Variants in FMN1 observed in about 807,000 individuals in gnomAD.
The protein encoded by FMN1 is formin 1, also known as formin-1.
In FMN1, 110 loss-of-function variants were observed where a neutral mutation model predicts 132.4. The ratio of observed to expected loss-of-function variants is 0.83; its 90% CI spans 0.71 to 0.97. The LOEUF (loss-of-function observed/expected upper bound fraction) is 0.97. Ranked by LOEUF, FMN1 falls within the 50% of genes least tolerant of loss-of-function variation. The pLI is 0.00. For missense variants in FMN1, 1,792 were observed against 1,705.3 expected, an observed-to-expected ratio of 1.05 and a Z score of -0.90; for synonymous variants, 722 against 651.7, an observed-to-expected ratio of 1.11 and a Z score of -1.64.
intron 7 of FMN1, among the ~76,000 whole-genome samples, chr15:32,971,299 T>C (rs1317268365): frequency 6.6e-6 from 1 of 152,212 alleles, no homozygotes; most frequent in Non-Finnish European, 1.5e-5. Flanking sequence ...TTCCTAATTA[T>C]TTTTTAAAAT....
intron 17 of FMN1, among the ~76,000 whole-genome samples, chr15:32,840,798 T>C (rs2058729634): frequency 6.6e-6 from 1 of 152,206 alleles, no homozygotes; most frequent in Non-Finnish European, 1.5e-5. Flanking sequence ...TTGAGTGGAC[T>C]GTAACTGTGG....
chr15:32,826,058 C>T (rs7167969), intron 17 of FMN1, among the ~76,000 whole-genome samples: 5 of 152,282 alleles, frequency 3.3e-5, no homozygotes, highest in South Asian at 2.1e-4. Context: ...TAACAAAACT[C>T]GAATGATGGA....
chr15:32,941,188 T>A (rs2061393675), intron 9 of FMN1, among the ~76,000 whole-genome samples: 1 of 152,206 alleles, frequency 6.6e-6, no homozygotes, highest in Admixed American at 6.5e-5. Flanking sequence ...CTTGATTTTA[T>A]TCCATGTAGG....
chr15:32,776,274 C>T (rs1417182336), intron 20 of FMN1, among the ~76,000 whole-genome samples: 1 of 152,330 alleles, frequency 6.6e-6, no homozygotes, highest in African/African-American at 2.4e-5. Flanking sequence ...GTGATCTCTA[C>T]TGAAAACTGG....
chr15:32,939,262 C>A (rs745954745), intron 9 of FMN1, among the ~76,000 whole-genome samples: 1 of 152,140 alleles, frequency 6.6e-6, no homozygotes. Flanking sequence ...CGAATTTTTA[C>A]GGTAATTCAT....
intron 9 of FMN1, among the ~76,000 whole-genome samples, chr15:32,962,566 T>C (rs2030696515): frequency 6.6e-6 from 1 of 150,668 alleles, no homozygotes; most frequent in Non-Finnish European, 1.5e-5. Flanking sequence ...ACCTACAAAA[T>C]GGGAGAAAAT....
At chr15:33,045,445 A>C (rs868573406) in intron 6 of FMN1, among the ~76,000 whole-genome samples, 14 of 152,282 alleles carry the variant, frequency 9.2e-5, no homozygotes, top group Admixed American at 6.5e-4. Context: ...GAAATATCCC[A>C]AAAATCCTGT....
At chr15:32,996,630 A>G (rs961647621) in intron 7 of FMN1, among the ~76,000 whole-genome samples, 1 of 152,230 alleles carries the variant, frequency 6.6e-6, no homozygotes, top group Non-Finnish European at 1.5e-5. Flanking sequence ...TAAATGCTCA[A>G]TTAAGTACCA....
chr15:32,834,153 G>T (rs896506), intron 17 of FMN1, among the ~76,000 whole-genome samples: 3,033 of 152,244 alleles, frequency 0.02, 35 homozygotes, highest in African/African-American at 0.029. Flanking sequence ...TAAATTCTTG[G>T]ATGGTAAACT....
At chr15:32,924,522 G>A (rs113209434) in intron 10 of FMN1, among the ~76,000 whole-genome samples, 12 of 152,188 alleles carry the variant, frequency 7.9e-5, no homozygotes, top group African/African-American at 2.7e-4. Flanking sequence ...CTAAAGGGCC[G>A]TGTGGTGTCA....
At chr15:32,907,234 AAC>A (rs2060448948) in intron 12 of FMN1, among the ~76,000 whole-genome samples, 1 of 152,154 alleles carries the variant, frequency 6.6e-6, no homozygotes, top group Non-Finnish European at 1.5e-5. Context: ...ATAATTATAC[AAC>A]TCACCATAAT....
intron 9 of FMN1, among the ~76,000 whole-genome samples, chr15:32,926,945 C>G (rs1596290401): frequency 6.6e-6 from 1 of 152,206 alleles, no homozygotes; most frequent in African/African-American, 2.4e-5. Flanking sequence ...CCACCACACC[C>G]AGCTAATTTT....
At chr15:32,927,968 T>G (rs2061004262) in intron 9 of FMN1, among the ~76,000 whole-genome samples, 1 of 152,232 alleles carries the variant, frequency 6.6e-6, no homozygotes, top group African/African-American at 2.4e-5. Context: ...ATTACTGTAA[T>G]AGCTGAGTTG....
intron 9 of FMN1, among the ~76,000 whole-genome samples, chr15:32,931,708 T>C (rs1439548251): frequency 1.3e-5 from 2 of 152,258 alleles, no homozygotes; most frequent in Non-Finnish European, 2.9e-5. Flanking sequence ...TCTTGATTAA[T>C]GTCTCTATGA....
At chr15:32,808,842 A>G (rs1202585855) in intron 17 of FMN1, among the ~76,000 whole-genome samples, 5 of 151,844 alleles carry the variant, frequency 3.3e-5, no homozygotes, top group African/African-American at 9.7e-5. Flanking sequence ...TAGAATGTTC[A>G]TAACTGCTTT....
rs1224364960 is a variant in FMN1, at chr15:32,899,783, G to GT, written c.3654+195dup. 5 of 553,092 alleles carry GT rather than the reference G, an allele frequency of 9.0e-6. No individual in the cohort carries two copies. The African/African-American group carries it at 2.0e-4, about 22-fold the overall frequency. 34.3% of individuals were successfully genotyped at this position (553,092 alleles called of 1,614,324 possible). On this transcript the variant is annotated intron_variant, in intron 14 of 20. Transcript: ENST00000616417. Reference sequence around the variant, plus strand: ...TGAGTAATTGAAAATAAAGTCTAACGTGAAAAAAAAAAACCAAACAAAACT... The same window carrying GT: ...TGAGTAATTGAAAATAAAGTCTAACGTTGAAAAAAAAAAACCAAACAAAACT...
At chr15:32,875,411 T>C (rs958979652) in intron 16 of FMN1, among the ~76,000 whole-genome samples, 1 of 152,136 alleles carries the variant, frequency 6.6e-6, no homozygotes, top group African/African-American at 2.4e-5. Context: ...GCTAAAAAAA[T>C]CACCAAGTGC....
chr15:32,870,898 TGAAAA>T (rs1346502220), intron 16 of FMN1, among the ~76,000 whole-genome samples: 1 of 152,196 alleles, frequency 6.6e-6, no homozygotes. Flanking sequence ...ATGTATTCGT[TGAAAA>T]AGAAAACATT....
chr15:32,834,727 A>T (rs1304045684), intron 17 of FMN1, among the ~76,000 whole-genome samples: 1 of 152,202 alleles, frequency 6.6e-6, no homozygotes, highest in East Asian at 1.9e-4. Flanking sequence ...AAGGTAATCT[A>T]GGTAGTACCT....
Sources: allele counts gnomAD v4.1 joint callset (sites outside exome capture counted in the v4.1 genomes callset), GRCh38; gene constraint gnomAD v4.1.1; transcripts MANE v1.5; gene names NCBI Gene and HGNC (gene_info 2026-07-23, HGNC 2026-07-21).